ITGA8: variants seen among roughly 807,000 people sequenced by gnomAD.
ITGA8 encodes integrin alpha-8.
ITGA8 carries 91 observed loss-of-function variants against 142.3 expected under a neutral mutation model. The observed-to-expected ratio is 0.64, with a 90% CI of 0.54 to 0.76. The LOEUF (loss-of-function observed/expected upper bound fraction) is 0.76, where lower values mean the gene tolerates loss of function less well. Ranked by LOEUF, ITGA8 falls within the 30% of genes least tolerant of loss-of-function variation. The probability of loss-of-function intolerance (pLI) is 0.00; values close to 1 mark genes in which losing one functional copy is unlikely to be tolerated. For missense variants in ITGA8, 1,406 were observed against 1,327.7 expected, an observed-to-expected ratio of 1.06 and a Z score of -0.92; for synonymous variants, 505 against 485.2, an observed-to-expected ratio of 1.04 and a Z score of -0.54.
intron 8 of ITGA8, among the ~76,000 whole-genome samples, chr10:15,669,316 A>C (rs1783752566): frequency 6.6e-6 from 1 of 152,190 alleles, no homozygotes; most frequent in Non-Finnish European, 1.5e-5. Context: ...TGCGTCGGCT[A>C]CTGAGGCTTC....
intron 13 of ITGA8, among the ~76,000 whole-genome samples, chr10:15,617,519 C>G (rs926711704): frequency 9.9e-5 from 15 of 152,144 alleles, no homozygotes; most frequent in African/African-American, 3.6e-4. Flanking sequence ...CTGCCTCAGC[C>G]TCCCAAGTAG....
At chr10:15,552,241 A>T (rs372438542) in intron 26 of ITGA8, among the ~76,000 whole-genome samples, 45 of 151,738 alleles carry the variant, frequency 3.0e-4, no homozygotes, top group African/African-American at 9.9e-4. Context: ...GGTTCACGCC[A>T]TTCTCCTGCC....
intron 2 of ITGA8, among the ~76,000 whole-genome samples, chr10:15,710,932 G>GT (rs1272147783): frequency 6.6e-6 from 1 of 152,130 alleles, no homozygotes. Flanking sequence ...CTGATACAGG[G>GT]TTTTTTGCAA....
rs993960698 is a variant in ITGA8, at chr10:15,666,579, G to C, written c.847+5024C>G. 2.0e-5 allele frequency among the ~76,000 whole-genome samples: 3 copies of C among 151,920 alleles called. No individual in the cohort carries two copies. The East Asian group carries it at 5.8e-4, about 29-fold the overall frequency. Reference sequence around the variant, plus strand: ...TGTTGAATAGGAGTGATGAGAGAGGGCATCCCTGTCTTGTGCCAGTTTTCA... The same window carrying C: ...TGTTGAATAGGAGTGATGAGAGAGGCCATCCCTGTCTTGTGCCAGTTTTCA... On this transcript the variant is annotated intron_variant, in intron 8 of 29. Transcript: ENST00000378076.
chr10:15,606,038 A>T (rs77980464), intron 18 of ITGA8, among the ~76,000 whole-genome samples: 2 of 152,326 alleles, frequency 1.3e-5, no homozygotes, highest in Non-Finnish European at 2.9e-5. Flanking sequence ...CTTGAGGATT[A>T]CAGGCTGTAT....
At chr10:15,719,022 G>A in intron 1 of ITGA8, 123 bp from the exon 2 acceptor site, 1 of 1,393,368 alleles carries the variant, frequency 7.2e-7, no homozygotes, top group Non-Finnish European at 9.8e-7. Flanking sequence ...ACGTATTTAT[G>A]ATGAGGACCG....
At chr10:15,571,163 T>G (rs1422419430) in intron 25 of ITGA8, among the ~76,000 whole-genome samples, 2 of 152,192 alleles carry the variant, frequency 1.3e-5, no homozygotes, top group Non-Finnish European at 2.9e-5. Context: ...TCATAAGTCC[T>G]TTACTAATGA....
chr10:15,670,804 C>T lies in ITGA8; in HGVS notation c.847+799G>A, dbSNP rs188292018. 3.5e-3 allele frequency among the ~76,000 whole-genome samples: 540 copies of T among 152,290 alleles called. 5 individuals carry two copies. The highest frequency in any genetic ancestry group is 0.013 in the African/African-American group (527 of 41,570). ...GAATTGTTTCCATGACCCGTAAAAC[C>T]GGACATGAGCTGAGCCCAGACTTTG... is the stretch of plus-strand genomic sequence containing the variant. On this transcript the variant is annotated intron_variant, in intron 8 of 29. Transcript: ENST00000378076.
chr10:15,613,823 C>T, intron 14 of ITGA8, 56 bp from the exon 15 acceptor site: 1 of 1,181,932 alleles, frequency 8.5e-7, no homozygotes, highest in East Asian at 2.3e-5. Context: ...GATAGGCAGG[C>T]AGAAGCCCAC....
intron 26 of ITGA8, among the ~76,000 whole-genome samples, chr10:15,550,901 C>T (rs1833782747): frequency 6.6e-6 from 1 of 151,814 alleles, no homozygotes; most frequent in Non-Finnish European, 1.5e-5. Context: ...TGCAAGAGCC[C>T]CTGGTGAGTG....
rs1832962356 is a variant in ITGA8 at position 15,516,469 on chromosome 10, G to A, written c.*689C>T. 6.6e-6 allele frequency: 1 copy of A among 152,188 alleles called. No individual in the cohort carries two copies. The highest frequency in any genetic ancestry group is 2.4e-5 in the African/African-American group (1 of 41,446). 9.4% of individuals were successfully genotyped at this position (152,188 alleles called of 1,614,324 possible). Reference sequence around the variant, plus strand: ...GTTATCTGCACACAGTGGTTCTTAGGAGGAAACTGAGTGAGTGATTTTGAA... The same window carrying A: ...GTTATCTGCACACAGTGGTTCTTAGAAGGAAACTGAGTGAGTGATTTTGAA... On this transcript the variant is annotated 3_prime_UTR_variant, in exon 30 of 30. Transcript: ENST00000378076.
intron 23 of ITGA8, among the ~76,000 whole-genome samples, chr10:15,578,116 A>C (rs1369251555): frequency 6.6e-6 from 1 of 152,184 alleles, no homozygotes; most frequent in African/African-American, 2.4e-5. Flanking sequence ...TGTCATTGAC[A>C]TAGTCAAGAA....
At chr10:15,709,918 G>T (rs1835332788) in intron 2 of ITGA8, among the ~76,000 whole-genome samples, 1 of 152,086 alleles carries the variant, frequency 6.6e-6, no homozygotes, top group Admixed American at 6.6e-5. Context: ...ATAAATAAAT[G>T]CATTTCTAAA....
intron 2 of ITGA8, among the ~76,000 whole-genome samples, chr10:15,713,014 G>T (rs1207528666): frequency 6.6e-6 from 1 of 152,182 alleles, no homozygotes; most frequent in Non-Finnish European, 1.5e-5. Flanking sequence ...CAGCAGATCT[G>T]TTTCCCATTT....
chr10:15,709,617 A>G (rs1467435832), intron 2 of ITGA8, among the ~76,000 whole-genome samples: 2 of 152,120 alleles, frequency 1.3e-5, no homozygotes, highest in African/African-American at 4.8e-5. Flanking sequence ...ACCTATGGTC[A>G]CTCTTGATTT....
At chr10:15,585,170 A>T (rs953801892) in intron 23 of ITGA8, among the ~76,000 whole-genome samples, 19 of 152,222 alleles carry the variant, frequency 1.2e-4, no homozygotes, top group Non-Finnish European at 2.5e-4. Flanking sequence ...AATTAGAAAC[A>T]TACATAAAAT....
chr10:15,600,105 A>C (rs911095455), intron 20 of ITGA8, among the ~76,000 whole-genome samples: 2 of 152,216 alleles, frequency 1.3e-5, no homozygotes, highest in Non-Finnish European at 2.9e-5. Context: ...AATGAAATAC[A>C]TTCTTTTTTA....
chr10:15,629,206 C>T (rs899925660), intron 13 of ITGA8, among the ~76,000 whole-genome samples: 1 of 152,000 alleles, frequency 6.6e-6, no homozygotes, highest in African/African-American at 2.4e-5. Flanking sequence ...GGAACTGGGT[C>T]ACACAAACCT....
intron 25 of ITGA8, among the ~76,000 whole-genome samples, chr10:15,558,731 A>G (rs750847053): frequency 1.2e-4 from 18 of 152,182 alleles, no homozygotes; most frequent in Non-Finnish European, 2.1e-4. Flanking sequence ...TTCTGCCCTG[A>G]CAAAAATGAC....
Sources: gnomAD v4.1 joint callset for allele counts (sites outside exome capture counted in the v4.1 genomes callset) on GRCh38, gnomAD v4.1.1 for gene constraint, MANE v1.5 for transcripts, NCBI Gene and HGNC (gene_info 2026-07-23, HGNC 2026-07-21) for gene names.